Variants in MYO5C observed in about 807,000 individuals in gnomAD.
MYO5C encodes myosin VC, also known as unconventional myosin-Vc.
MYO5C carries 194 observed loss-of-function variants against 235.7 expected under a neutral mutation model. That is an observed-to-expected ratio of 0.82 (90% CI 0.73 to 0.93). The LOEUF (loss-of-function observed/expected upper bound fraction) is 0.93. MYO5C is among the 40% of genes least tolerant of loss of function. The pLI is 0.00. For missense variants in MYO5C, 2,038 were observed against 2,127.2 expected, an observed-to-expected ratio of 0.96 and a Z score of 0.82; for synonymous variants, 707 against 754.8, an observed-to-expected ratio of 0.94 and a Z score of 1.04.
Position 52,295,684 on chromosome 15 carries a change from T to TCGGGGG in MYO5C, c.-54_-49dup. On this transcript the variant is annotated 5_prime_UTR_variant, in exon 1 of 41. Coordinates refer to ENST00000261839, the MANE Select transcript of MYO5C (RefSeq NM_018728.4). The stretch of plus-strand genomic sequence containing the variant: ...GCCGGGGCTGCCGAACGTGCGAGGC[T>TCGGGGG]CGGGGGCTGGGCCTGCGCCGCAGAG... 1 of 1,299,320 alleles carries TCGGGGG rather than the reference T, an allele frequency of 7.7e-7. No homozygotes were observed. The highest frequency in any genetic ancestry group is 1.0e-6 in the Non-Finnish European group (1 of 998,706). 80.5% of individuals were successfully genotyped at this position (1,299,320 alleles called of 1,614,324 possible).
chr15:52,230,904 T>C (rs1428938434), intron 24 of MYO5C, among the ~76,000 whole-genome samples: 1 of 150,866 alleles, frequency 6.6e-6, no homozygotes, highest in Non-Finnish European at 1.5e-5. Flanking sequence ...CTCAGCTCAT[T>C]GAAACCTCCG....
Position 52,229,179 on chromosome 15 carries a change from G to A in MYO5C, c.3161C>T (p.Ser1054Phe). The A allele has an allele frequency of 6.2e-7, 1 of 1,614,216 alleles. No homozygotes were observed. Among genetic ancestry groups the A allele is most frequent in the Non-Finnish European group, 8.5e-7 (1 of 1,180,032 alleles). The change falls in exon 25 of 41, where the codon TCT becomes TTT. Residue 1054 changes from serine to phenylalanine, a missense_variant. Physicochemically the swap from Ser to Phe is radical, Grantham distance 155. Coordinates refer to ENST00000261839, the MANE Select transcript of MYO5C (RefSeq NM_018728.4). Reference protein sequence around the residue: ...QHLVEGEHVTSDGLKAEVARL... With the variant: ...QHLVEGEHVTFDGLKAEVARL... The stretch of plus-strand genomic sequence containing the variant: ...GGCCACTTCCGCCTTCAAGCCATCA[G>A]AAGTGACGTGCTCCCCCTCCACCAG...
chr15:52,280,316 C>T (rs549356628), intron 2 of MYO5C, among the ~76,000 whole-genome samples: 2 of 152,348 alleles, frequency 1.3e-5, no homozygotes, highest in East Asian at 3.9e-4. Flanking sequence ...CTGTCTATTC[C>T]TATCAGTCTC....
At chr15:52,210,711 TC>T (rs1229523264) in intron 35 of MYO5C, among the ~76,000 whole-genome samples, 1 of 152,206 alleles carries the variant, frequency 6.6e-6, no homozygotes, top group Non-Finnish European at 1.5e-5. Context: ...TAAGCAAGGA[TC>T]CAGGTCTGCT....
At position 52,208,616 on chromosome 15, in the gene MYO5C, A is replaced by C; in HGVS notation, c.4324T>G (p.Ser1442Ala). ...KEHLEDFEML[S>A]FWLSNTCHFL... is the part of the protein sequence containing the mutation. ...TGACAAGTGTTGGAAAGCCAAAAGG[A>C]CAGCATTTCAAAGTCTTCTAAATGT... Residue 1442 changes from serine to alanine, a missense_variant, in exon 36 of 41, where the codon TCC becomes GCC. Ser to Ala is a moderately conservative substitution (Grantham distance 99). Coordinates refer to ENST00000261839, the MANE Select transcript of MYO5C (RefSeq NM_018728.4). 6.2e-7 allele frequency: 1 copy of C among 1,614,204 alleles called. No homozygotes were observed. Among genetic ancestry groups the C allele is most frequent in the Non-Finnish European group, 8.5e-7 (1 of 1,180,004 alleles).
intron 16 of MYO5C, among the ~76,000 whole-genome samples, chr15:52,246,488 T>C (rs545564771): frequency 7.2e-5 from 11 of 152,294 alleles, no homozygotes; most frequent in African/African-American, 2.6e-4. Context: ...GGCACCTCTT[T>C]CAGCTCTAGC....
intron 8 of MYO5C, among the ~76,000 whole-genome samples, chr15:52,269,410 T>TC (rs2036873131): frequency 6.7e-6 from 1 of 148,398 alleles, no homozygotes; most frequent in African/African-American, 2.5e-5. Context: ...TTTTTTTTTT[T>TC]AAGAGAGAGT....
At chr15:52,213,506 C>A in intron 33 of MYO5C, 1 of 432,702 alleles carries the variant, frequency 2.3e-6, no homozygotes, top group Non-Finnish European at 4.2e-6. Flanking sequence ...TGAAAAGGCC[C>A]AATTATCCTT....
intron 20 of MYO5C, among the ~76,000 whole-genome samples, chr15:52,240,554 G>GAA (rs1566975297): frequency 7.6e-6 from 1 of 132,044 alleles, no homozygotes. Flanking sequence ...AAAAGAAAAA[G>GAA]AAGAAAAAAG....
intron 2 of MYO5C, among the ~76,000 whole-genome samples, 197 bp from the exon 3 acceptor site, chr15:52,279,871 C>T (rs1166135127): frequency 6.6e-6 from 1 of 152,118 alleles, no homozygotes; most frequent in Non-Finnish European, 1.5e-5. Flanking sequence ...GACTAGGGCA[C>T]TGGCTATGTG....
intron 25 of MYO5C, among the ~76,000 whole-genome samples, chr15:52,227,320 G>A (rs544076186): frequency 2.0e-5 from 3 of 146,852 alleles, no homozygotes; most frequent in Non-Finnish European, 3.0e-5. Context: ...TCAGCCTCCC[G>A]AGTAGCTGGG....
Position 52,251,231 on chromosome 15 carries a change from C to T in MYO5C, c.1662+159G>A, listed in dbSNP as rs1268502218. On this transcript the variant is annotated intron_variant, in intron 13 of 40. Transcript: ENST00000261839. ...TAGTACAGTTGGAACTCATGTATCT[C>T]GCCACAAAAACAAATAAGGAACTGT... 1.1e-5 allele frequency: 6 copies of T among 561,242 alleles called. No individual in the cohort carries two copies. The East Asian group carries it at 1.4e-4, about 13-fold the overall frequency. 34.8% of individuals were successfully genotyped at this position (561,242 alleles called of 1,614,324 possible).
chr15:52,247,176 T>C (rs1332854148), intron 15 of MYO5C, among the ~76,000 whole-genome samples, 162 bp from the exon 16 acceptor site: 1 of 152,222 alleles, frequency 6.6e-6, no homozygotes, highest in Non-Finnish European at 1.5e-5. Flanking sequence ...CTGTGGTTTA[T>C]CAGCATGTCC....
intron 33 of MYO5C, 41 bp downstream of exon 33, chr15:52,214,562 C>G (rs1236838287): frequency 7.2e-7 from 1 of 1,392,672 alleles, no homozygotes; most frequent in South Asian, 1.3e-5. Flanking sequence ...CGCATGTTAG[C>G]CTTAGCTCAA....
At chr15:52,238,017 C>G (rs531622793) in intron 21 of MYO5C, among the ~76,000 whole-genome samples, 2 of 152,002 alleles carry the variant, frequency 1.3e-5, no homozygotes, top group South Asian at 4.2e-4. Context: ...TAAGGTAAAA[C>G]CAGCCCTCAG....
chr15:52,278,724 C>T, intron 4 of MYO5C, 149 bp downstream of exon 4: 1 of 890,654 alleles, frequency 1.1e-6, no homozygotes, highest in Non-Finnish European at 1.7e-6. Context: ...GTTTGCTATT[C>T]ATTCCAGGTA....
chr15:52,268,511 C>T (rs1323810929), intron 8 of MYO5C, among the ~76,000 whole-genome samples: 2 of 151,758 alleles, frequency 1.3e-5, no homozygotes, highest in African/African-American at 4.8e-5. Flanking sequence ...TGCGCCACTG[C>T]ACTCCAGGCC....
intron 4 of MYO5C, among the ~76,000 whole-genome samples, chr15:52,276,762 G>A (rs776838436): frequency 7.9e-5 from 12 of 152,216 alleles, no homozygotes; most frequent in African/African-American, 2.9e-4. Flanking sequence ...GAACATATGC[G>A]CTCTCTAAGC....
intron 10 of MYO5C, 24 bp from the exon 11 acceptor site, chr15:52,256,744 A>T: frequency 6.4e-7 from 1 of 1,563,030 alleles, no homozygotes; most frequent in Non-Finnish European, 8.8e-7. Flanking sequence ...TAAACAAGTT[A>T]AAATATAACC....
Sources: allele counts gnomAD v4.1 joint callset (sites outside exome capture counted in the v4.1 genomes callset), GRCh38; gene constraint gnomAD v4.1.1; transcripts MANE v1.5; gene names NCBI Gene and HGNC (gene_info 2026-07-23, HGNC 2026-07-21).